Variants in HEXA observed in about 807,000 individuals in gnomAD.
HEXA encodes the protein beta-hexosaminidase subunit alpha.
Under a neutral mutation model 73.3 loss-of-function variants are expected in HEXA, and 54 were observed. That is an observed-to-expected ratio of 0.74 (90% CI 0.59 to 0.92). HEXA has a LOEUF of 0.92. HEXA is among the 40% of genes least tolerant of loss of function. HEXA has a pLI of 0.00. For synonymous variants in HEXA, 230 were observed against 246.9 expected, an observed-to-expected ratio of 0.93 and a Z score of 0.64; for missense variants, 649 against 653.0, an observed-to-expected ratio of 0.99 and a Z score of 0.07.
In HEXA at chr15:72,348,208, GC is replaced by G. The variant is rs1595798478; in HGVS notation, c.987-75del. The G allele has an allele frequency of 2.2e-5, 22 of 989,904 alleles. No homozygotes were observed. In the East Asian group the frequency reaches 5.3e-4, roughly 24 times the overall value. 61.3% of individuals were successfully genotyped at this position (989,904 alleles called of 1,614,324 possible). ...CTAATGCCTGGGGATTAGTCACCTG[GC>G]CCCCTATAACTTCCTCTTTTCACCT... is the stretch of plus-strand genomic sequence containing the variant. On this transcript the variant is annotated intron_variant, in intron 8 of 13. Coordinates refer to ENST00000268097, the MANE Select transcript of HEXA (RefSeq NM_000520.6).
chr15:72,356,773 G>T, intron 1 of HEXA, 156 bp from the exon 2 acceptor site: 1 of 1,096,414 alleles, frequency 9.1e-7, no homozygotes, highest in Non-Finnish European at 1.3e-6. Context: ...CTGATCATCT[G>T]TTCAGCTGTC....
intron 7 of HEXA, 127 bp from the exon 8 acceptor site, chr15:72,349,386 T>A (rs2088665853): frequency 5.4e-6 from 4 of 743,252 alleles, no homozygotes; most frequent in Non-Finnish European, 9.7e-6. Flanking sequence ...CACATTTAGG[T>A]AGGCACACTT....
In HEXA at chr15:72,353,068, C is replaced by A. The variant is rs1188885214; in HGVS notation, c.570G>T (p.Leu190=). ...GAAGAAGGCCTTAAGGCCTGGTTAC[C>A]AGAGTGTCCAGGATGCTAGAGAGTG... ...YLPLSSILDT[L]DVMAYNKLNV... is the part of the protein sequence containing the mutation. The change falls in exon 5 of 14, where the codon CTG becomes CTT. Residue 190 remains leucine, a splice_region_variant and synonymous_variant. Coordinates refer to ENST00000268097, the MANE Select transcript of HEXA (RefSeq NM_000520.6). The A allele has an allele frequency of 2.5e-6, 4 of 1,582,702 alleles. No homozygotes were observed. The highest frequency in any genetic ancestry group is 3.5e-6 in the Non-Finnish European group (4 of 1,151,400).
In HEXA at chr15:72,355,639, A is replaced by T. The variant is rs750626935; in HGVS notation, c.347-15T>A. ...GGTCAGGGTATCTGAAATGACAGAAATGAACTCATTTAGTTGGTTAAGGTT... is the reference window on the plus strand; with the variant it reads ...GGTCAGGGTATCTGAAATGACAGAATTGAACTCATTTAGTTGGTTAAGGTT... On this transcript the variant is annotated splice_polypyrimidine_tract_variant and intron_variant, in intron 2 of 13. Coordinates refer to ENST00000268097, the MANE Select transcript of HEXA (RefSeq NM_000520.6). 2.7e-5 allele frequency: 43 copies of T among 1,580,448 alleles called. No individual in the cohort carries two copies. The highest frequency in any genetic ancestry group is 3.5e-5 in the Non-Finnish European group (40 of 1,149,254).
chr15:72,356,131 T>C (rs1343920995), intron 2 of HEXA, among the ~76,000 whole-genome samples: 4 of 152,208 alleles, frequency 2.6e-5, no homozygotes, highest in Non-Finnish European at 5.9e-5. Context: ...CAAATGCTGC[T>C]CAGGGAAGAC....
In HEXA at chr15:72,342,889, C is replaced by T. The variant is rs1020209899; in HGVS notation, c.*1188G>A. ...ACATCTGAGGTCATGAGTTCAAGAC[C>T]AGCCTGGCCAATATAGTGAAACCCC... is the stretch of plus-strand genomic sequence containing the variant. On this transcript the variant is annotated 3_prime_UTR_variant, in exon 14 of 14. Coordinates refer to ENST00000268097, the MANE Select transcript of HEXA (RefSeq NM_000520.6). The T allele has an allele frequency of 6.6e-6, 1 of 151,896 alleles. No homozygotes were observed. The highest frequency in any genetic ancestry group is 2.4e-5 in the African/African-American group (1 of 41,320). 9.4% of individuals were successfully genotyped at this position (151,896 alleles called of 1,614,324 possible).
intron 1 of HEXA, among the ~76,000 whole-genome samples, chr15:72,369,564 G>A (rs1345589169): frequency 6.6e-6 from 1 of 152,094 alleles, no homozygotes; most frequent in African/African-American, 2.4e-5. Context: ...TTGAGACAAG[G>A]TCTGGCTCTG....
intron 1 of HEXA, among the ~76,000 whole-genome samples, chr15:72,362,899 A>T (rs2088869024): frequency 6.6e-6 from 1 of 152,210 alleles, no homozygotes; most frequent in Non-Finnish European, 1.5e-5. Context: ...TATGGAAAAA[A>T]AACACATTGG....
At chr15:72,367,891 G>A (rs1180505034) in intron 1 of HEXA, among the ~76,000 whole-genome samples, 1 of 152,142 alleles carries the variant, frequency 6.6e-6, no homozygotes, top group African/African-American at 2.4e-5. Flanking sequence ...TTTTCAATGT[G>A]CACTTTCTCC....
At chr15:72,364,547 T>C (rs1474866963) in intron 1 of HEXA, among the ~76,000 whole-genome samples, 1 of 152,186 alleles carries the variant, frequency 6.6e-6, no homozygotes, top group Non-Finnish European at 1.5e-5. Flanking sequence ...TATATATGTA[T>C]ATAAGCAATT....
chr15:72,346,780 G>T, intron 10 of HEXA, 70 bp from the exon 11 acceptor site: 1 of 1,408,550 alleles, frequency 7.1e-7, no homozygotes, highest in Non-Finnish European at 1.0e-6. Context: ...TTCATACACA[G>T]GCAACATGGG....
rs149628906 is a variant in HEXA, at chr15:72,342,608, C to T, written c.*1469G>A. On this transcript the variant is annotated 3_prime_UTR_variant, in exon 14 of 14. Coordinates refer to ENST00000268097, the MANE Select transcript of HEXA (RefSeq NM_000520.6). ...AGGAGGGGGCAGTCTGGGTCCACGA[C>T]GAGACATTTCCTTCTAGAGAAAATC... 9.2e-5 allele frequency: 14 copies of T among 152,362 alleles called. No individual in the cohort carries two copies. The highest frequency in any genetic ancestry group is 2.6e-4 in the African/African-American group (11 of 41,562). 9.4% of individuals were successfully genotyped at this position (152,362 alleles called of 1,614,324 possible). A position where few individuals can be genotyped will look rare whatever the true frequency, so the allele number is the denominator to read the frequency against.
chr15:72,349,231 G>C lies in HEXA; in HGVS notation c.834C>G (p.Tyr278Ter). The stretch of plus-strand genomic sequence containing the variant: ...AGGTGCCAGAGGGCTCAGACCCAGA[G>C]TAGCAAGGAGTCAGTAATCCAGGGA... ...PGIPGLLTPCYSGSEPSGTFG... is the reference protein window; with the variant it reads ...PGIPGLLTPC Residue 278 changes from tyrosine (Y) to a stop codon, truncating the protein, a stop_gained, in exon 8 of 14, where the codon TAC becomes TAG. Transcript: ENST00000268097. LOFTEE classifies it high-confidence loss of function. 1.9e-6 allele frequency: 3 copies of C among 1,614,118 alleles called. No homozygotes were observed. The highest frequency in any genetic ancestry group is 2.5e-6 in the Non-Finnish European group (3 of 1,179,998).
chr15:72,344,140 C>T lies in HEXA; in HGVS notation c.1527G>A (p.Arg509=). Residue 509 remains arginine (R), a splice_region_variant and synonymous_variant, in exon 14 of 14, where the codon AGG becomes AGA. Coordinates refer to ENST00000268097, the MANE Select transcript of HEXA (RefSeq NM_000520.6). ...TGAGGGGTTGGGCCTGGACACCTCG[C>T]CTGCAAGAGGACATGAAGAAATGGC... ...RLSHFRCELL[R]RGVQAQPLNV... is the part of the protein sequence containing the mutation. 2.5e-6 allele frequency: 4 copies of T among 1,613,460 alleles called. No homozygotes were observed. The highest frequency in any genetic ancestry group is 3.4e-6 in the Non-Finnish European group (4 of 1,179,488).
At chr15:72,356,447 G>C (rs2088780972) in intron 2 of HEXA, 78 bp downstream of exon 2, 3 of 1,527,760 alleles carry the variant, frequency 2.0e-6, no homozygotes, top group Admixed American at 3.5e-5. Flanking sequence ...AGCATCAGCA[G>C]TTTAGGCCAG....
At chr15:72,356,384 C>T (rs2088779455) in intron 2 of HEXA, 141 bp downstream of exon 2, 9 of 835,682 alleles carry the variant, frequency 1.1e-5, no homozygotes, top group African/African-American at 1.7e-5. Flanking sequence ...TCTTCCATGG[C>T]TCTCAGCACT....
intron 3 of HEXA, chr15:72,354,060 C>CAT: frequency 2.4e-6 from 1 of 424,296 alleles, no homozygotes; most frequent in Non-Finnish European, 4.3e-6. Context: ...GAGGCCAAGA[C>CAT]ATATACTCAT....
At chr15:72,359,943 C>T (rs535042785) in intron 1 of HEXA, 26 of 152,160 alleles carry the variant, frequency 1.7e-4, no homozygotes, top group Admixed American at 1.5e-3. Context: ...ATAACAAGGA[C>T]GCTCTATCAC....
chr15:72,356,051 C>A, intron 2 of HEXA: 2 of 429,724 alleles, frequency 4.7e-6, no homozygotes, highest in Admixed American at 2.7e-5. Flanking sequence ...CTCTATGCTT[C>A]AGCTACTTCC....
Sources: gnomAD v4.1 joint callset for allele counts (sites outside exome capture counted in the v4.1 genomes callset) on GRCh38, gnomAD v4.1.1 for gene constraint, MANE v1.5 for transcripts, NCBI Gene and HGNC (gene_info 2026-07-23, HGNC 2026-07-21) for gene names.